The following MICU3 variants were observed in gnomAD, a reference collection of about 807,000 sequenced individuals.
MICU3 encodes the protein calcium uptake protein 3, mitochondrial.
A neutral mutation model predicts 66.5 loss-of-function variants in MICU3; 62 were observed. The observed-to-expected ratio is 0.93, with a 90% confidence interval of 0.76 to 1.15. The LOEUF is 1.15. MICU3 is among the 50% of genes most tolerant of loss of function. MICU3 has a pLI of 0.00. For missense variants in MICU3, 779 were observed against 664.4 expected (o/e 1.17, Z -1.90); for synonymous variants, 308 against 240.7 (o/e 1.28, Z -2.59).
intron 1 of MICU3, chr8:17,049,693 T>G (rs548259325): frequency 1.5e-4 from 75 of 507,108 alleles, no homozygotes; most frequent in South Asian, 1.1e-3. Context: ...AACACTGGGT[T>G]GTGTGTTGTA....
At chr8:17,041,622 G>T (rs1288657065) in intron 1 of MICU3, among the ~76,000 whole-genome samples, 4 of 151,926 alleles carry the variant, frequency 2.6e-5, no homozygotes, top group Non-Finnish European at 4.4e-5. Flanking sequence ...GAAGACCCTC[G>T]ATCGTGTTTA....
intron 1 of MICU3, among the ~76,000 whole-genome samples, chr8:17,028,227 A>G (rs764362438): frequency 2.0e-5 from 3 of 152,244 alleles, no homozygotes; most frequent in African/African-American, 7.2e-5. Context: ...TTGTTCAAAA[A>G]GAGACATAAG....
intron 1 of MICU3, among the ~76,000 whole-genome samples, chr8:17,028,317 G>C (rs1284888569): frequency 6.6e-6 from 1 of 152,206 alleles, no homozygotes; most frequent in Non-Finnish European, 1.5e-5. Context: ...GGATAGGATA[G>C]CAAATGTAGG....
intron 9 of MICU3, 93 bp from the exon 10 acceptor site, chr8:17,104,298 T>C: frequency 1.9e-6 from 1 of 513,432 alleles, no homozygotes; most frequent in Non-Finnish European, 3.4e-6. Context: ...TTGATGTTTG[T>C]ATGTTGATAA....
At position 17,120,466 on chromosome 8, in the gene MICU3, C is replaced by T. The variant is rs949654723; in HGVS notation, c.*179C>T. ...TCTTAAACATAAAACAGATAAAATG[C>T]ATCTTGTTACTACAAATGTTATATA... On this transcript the variant is annotated 3_prime_UTR_variant, in exon 15 of 15. Coordinates refer to ENST00000318063, the MANE Select transcript of MICU3 (RefSeq NM_181723.3). 3.9e-5 allele frequency: 6 copies of T among 152,026 alleles called. No homozygotes were observed. The highest frequency in any genetic ancestry group is 1.4e-4 in the African/African-American group (6 of 41,418). 9.4% of individuals were successfully genotyped at this position (152,026 alleles called of 1,614,324 possible).
At chr8:17,138,217 C>G in the MICU3 span, among the ~76,000 whole-genome samples, 99 of 152,074 alleles carry the variant, frequency 6.5e-4, 2 homozygotes, top group South Asian at 0.011. Context: ...ATGAGGGACT[C>G]AACAACCAAA....
chr8:17,070,651 A>T (rs57290326), intron 3 of MICU3, among the ~76,000 whole-genome samples: 37,501 of 112,472 alleles, frequency 0.33, 5,574 homozygotes, highest in African/African-American at 0.45. Context: ...TTTTTTTTTT[A>T]AAAAAAAGAA....
intron 2 of MICU3, among the ~76,000 whole-genome samples, chr8:17,068,363 G>C (rs1360891409): frequency 6.6e-6 from 1 of 152,130 alleles, no homozygotes; most frequent in Admixed American, 6.5e-5. Context: ...CAAAACTCAA[G>C]AGTACCTCTA....
intron 1 of MICU3, among the ~76,000 whole-genome samples, chr8:17,046,598 G>C (rs6587012): frequency 0.43 from 65,011 of 151,846 alleles, 18,211 homozygotes; most frequent in African/African-American, 0.79. Flanking sequence ...TGAACTGTGA[G>C]TTACTTGGGG....
chr8:17,112,695 A>G (rs1802313479), intron 11 of MICU3, among the ~76,000 whole-genome samples: 1 of 152,134 alleles, frequency 6.6e-6, no homozygotes, highest in East Asian at 1.9e-4. Flanking sequence ...TCTTAATCTC[A>G]TGTCTGCCCC....
chr8:17,028,233 A>G (rs139481800), intron 1 of MICU3, among the ~76,000 whole-genome samples: 4 of 152,348 alleles, frequency 2.6e-5, no homozygotes, highest in East Asian at 1.9e-4. Context: ...AAAAAGAGAC[A>G]TAAGTATTTC....
chr8:17,072,425 A>T (rs1255969844), intron 3 of MICU3, among the ~76,000 whole-genome samples: 3 of 151,800 alleles, frequency 2.0e-5, no homozygotes, highest in Non-Finnish European at 1.5e-5. Flanking sequence ...ATTCTCTAAG[A>T]TTAAAAGCAA....
At position 17,109,331 on chromosome 8, in the gene MICU3, T is replaced by G. The variant is rs982857518; in HGVS notation, c.1257+3747T>G. Among the ~76,000 whole-genome samples, 13 of 152,138 alleles carry G rather than the reference T, an allele frequency of 8.5e-5. 1 individual carries two copies. Among genetic ancestry groups the G allele is most frequent in the Non-Finnish European group, 1.3e-4 (9 of 68,030 alleles). On this transcript the variant is annotated intron_variant, in intron 11 of 14. Transcript: ENST00000318063. ...TGAAGCTTTTTTGTTTTATGAATTT[T>G]ACCTACAGATTTATTCACTCATGAT... is the stretch of plus-strand genomic sequence containing the variant.
At chr8:17,125,595 TTGGC>T (rs1803385448), downstream of MICU3, among the ~76,000 whole-genome samples, 1 of 152,168 alleles carries the variant, frequency 6.6e-6, no homozygotes, top group Non-Finnish European at 1.5e-5. Flanking sequence ...TCTTTTCTCT[TTGGC>T]TGGCCAGATT....
intron 1 of MICU3, among the ~76,000 whole-genome samples, chr8:17,041,972 A>G (rs957859843): frequency 6.6e-6 from 1 of 152,208 alleles, no homozygotes; most frequent in Non-Finnish European, 1.5e-5. Flanking sequence ...TAGCCACTGT[A>G]AAAAACTAGA....
chr8:17,076,177 G>T (rs527821973), intron 3 of MICU3, among the ~76,000 whole-genome samples: 2 of 151,770 alleles, frequency 1.3e-5, no homozygotes, highest in African/African-American at 4.8e-5. Flanking sequence ...ATAGATGAAC[G>T]CCACCATGCC....
chr8:17,037,520 C>T (rs182042331), intron 1 of MICU3, among the ~76,000 whole-genome samples: 4 of 152,310 alleles, frequency 2.6e-5, no homozygotes, highest in East Asian at 3.9e-4. Context: ...TGTATGGAAA[C>T]GCCTGGATGT....
In MICU3 at chr8:17,031,262, TTTATTATTATTATTA is replaced by T. The variant is rs60712856; in HGVS notation, c.381+3629_381+3643del. On this transcript the variant is annotated intron_variant, in intron 1 of 14. Coordinates refer to ENST00000318063, the MANE Select transcript of MICU3 (RefSeq NM_181723.3). ...ATTTTAAACCTATGCTGCCACTTCA[TTTATTATTATTATTA>T]TTATTATTATTATTATTATTATTAT... 6.5e-5 allele frequency among the ~76,000 whole-genome samples: 9 copies of T among 139,180 alleles called. No homozygotes were observed. In the South Asian group the frequency reaches 9.4e-4, roughly 15 times the overall value. 91.3% of individuals were successfully genotyped at this position (139,180 alleles called of 152,430 possible).
At chr8:17,050,302 G>A (rs1162160139) in intron 1 of MICU3, among the ~76,000 whole-genome samples, 3 of 151,642 alleles carry the variant, frequency 2.0e-5, no homozygotes, top group Non-Finnish European at 2.9e-5. Flanking sequence ...AAAATAATAT[G>A]TCCTTCTATA....
Sources: gnomAD v4.1 joint callset for allele counts (sites outside exome capture counted in the v4.1 genomes callset) on GRCh38, gnomAD v4.1.1 for gene constraint, MANE v1.5 for transcripts, NCBI Gene and HGNC (gene_info 2026-07-23, HGNC 2026-07-21) for gene names.